Variants in SLC22A24 observed in about 807,000 individuals in gnomAD.
SLC22A24 encodes steroid transmembrane transporter SLC22A24.
A neutral mutation model predicts 49.8 loss-of-function variants in SLC22A24; 53 were observed. The observed-to-expected ratio is 1.06, with a 90% CI of 0.85 to 1.34. SLC22A24 has a LOEUF of 1.34. Among genes scored for constraint, SLC22A24 ranks in the 40% most tolerant of loss-of-function variants. The pLI, the probability that SLC22A24 is intolerant of heterozygous loss-of-function variation, is 0.00. For missense variants in SLC22A24, 786 were observed against 675.9 expected (o/e 1.16, Z -1.81); for synonymous variants, 302 against 256.4 (o/e 1.18, Z -1.70).
chr11:63,128,952 C>G (rs1423850222), intron 2 of SLC22A24, among the ~76,000 whole-genome samples: 1 of 152,170 alleles, frequency 6.6e-6, no homozygotes, highest in African/African-American at 2.4e-5. Flanking sequence ...GAGAAAAACC[C>G]ATAGACCCTG....
Position 63,143,854 on chromosome 11 carries a change from C to G in SLC22A24, c.-75G>C, listed in dbSNP as rs756723581. ...AGAAGTTCAGAGGGAGAAAATGTCC[C>G]CTTTCACAAAGTTACCATAGTGCCA... is the stretch of plus-strand genomic sequence containing the variant. On this transcript the variant is annotated 5_prime_UTR_variant, in exon 1 of 10. Transcript: ENST00000612278. The G allele has an allele frequency of 8.1e-7, 1 of 1,228,720 alleles. No individual in the cohort carries two copies. Among genetic ancestry groups the G allele is most frequent in the Non-Finnish European group, 1.0e-6 (1 of 963,638 alleles). 76.1% of individuals were successfully genotyped at this position (1,228,720 alleles called of 1,614,324 possible).
At chr11:63,081,846 G>C (rs1239230102) in intron 7 of SLC22A24, among the ~76,000 whole-genome samples, 180 bp from the exon 8 acceptor site, 3 of 152,184 alleles carry the variant, frequency 2.0e-5, no homozygotes, top group Admixed American at 1.3e-4. Flanking sequence ...TAAAATGGTA[G>C]GGCTTAAACA....
chr11:63,108,673 G>A (rs1246434582), intron 4 of SLC22A24, among the ~76,000 whole-genome samples: 1 of 152,066 alleles, frequency 6.6e-6, no homozygotes, highest in Non-Finnish European at 1.5e-5. Context: ...GGGTGTATGT[G>A]TCCAGGAATT....
chr11:63,143,274 G>A (rs1263778774), intron 1 of SLC22A24, 104 bp downstream of exon 1: 2 of 950,368 alleles, frequency 2.1e-6, no homozygotes, highest in Non-Finnish European at 1.4e-6. Context: ...TGAGCTGACT[G>A]CAGGTCCCAT....
At chr11:63,115,327 T>G (rs576522545) in intron 4 of SLC22A24, among the ~76,000 whole-genome samples, 8 of 152,310 alleles carry the variant, frequency 5.3e-5, no homozygotes, top group Non-Finnish European at 1.0e-4. Context: ...CAGACTGCTG[T>G]GCTAGCAGTG....
chr11:63,125,549 G>T (rs1359456764), intron 2 of SLC22A24, among the ~76,000 whole-genome samples: 5 of 152,110 alleles, frequency 3.3e-5, no homozygotes, highest in African/African-American at 1.2e-4. Context: ...TCTTAATCCA[G>T]TCTGTCATTG....
intron 2 of SLC22A24, among the ~76,000 whole-genome samples, chr11:63,130,671 A>G (rs2087327750): frequency 6.6e-6 from 1 of 152,282 alleles, no homozygotes; most frequent in African/African-American, 2.4e-5. Context: ...TGTTCTATTC[A>G]GAGATTCAAC....
chr11:63,130,685 T>C lies in SLC22A24; in HGVS notation c.506+3980A>G, dbSNP rs565338756. Among the ~76,000 whole-genome samples the C allele has an allele frequency of 1.1e-4, 16 of 152,306 alleles. No homozygotes were observed. In the South Asian group the frequency reaches 3.3e-3, roughly 32 times the overall value. On this transcript the variant is annotated intron_variant, in intron 2 of 9. Coordinates refer to ENST00000612278, the MANE Select transcript of SLC22A24 (RefSeq NM_001136506.2). ...TTGTTCTATTCAGAGATTCAACTTC[T>C]TCCTGGTTTAGTCTTGGGAGGGTGT...
chr11:63,093,678 A>G (rs1422123480), intron 6 of SLC22A24, among the ~76,000 whole-genome samples: 1 of 152,054 alleles, frequency 6.6e-6, no homozygotes, highest in East Asian at 1.9e-4. Context: ...AACAATAGAC[A>G]CTGGGGCCTA....
intron 6 of SLC22A24, among the ~76,000 whole-genome samples, chr11:63,093,333 C>T (rs1337322871): frequency 6.6e-6 from 1 of 152,140 alleles, no homozygotes; most frequent in East Asian, 1.9e-4. Context: ...CCAGCAATCC[C>T]ATTGCTGGGT....
intron 2 of SLC22A24, among the ~76,000 whole-genome samples, chr11:63,131,090 T>C (rs1393182347): frequency 1.3e-5 from 2 of 152,176 alleles, no homozygotes; most frequent in Non-Finnish European, 2.9e-5. Context: ...GATACTAGGA[T>C]TGCAACCCCT....
At chr11:63,128,800 T>A (rs1197946052) in intron 2 of SLC22A24, among the ~76,000 whole-genome samples, 1 of 152,178 alleles carries the variant, frequency 6.6e-6, no homozygotes, top group Non-Finnish European at 1.5e-5. Context: ...TTGTATCTAA[T>A]AAATAACAGC....
rs769230112 is a variant in SLC22A24, at chr11:63,143,589, G to A, written c.191C>T (p.Thr64Ile). 1.9e-6 allele frequency: 3 copies of A among 1,571,484 alleles called. No homozygotes were observed. Among genetic ancestry groups the A allele is most frequent in the Non-Finnish European group, 1.7e-6 (2 of 1,159,990 alleles). ...GAGGTCATCCTTGCTGAGGGTCCCG[G>A]TATCATTGTCAGACACAGTGTCATT... ...LDNDTVSDND[T>I]GTLSKDDLLR... is the part of the protein sequence containing the mutation. Residue 64 changes from threonine (T) to isoleucine (I), a missense_variant, in exon 1 of 10, where the codon ACC becomes ATC. By Grantham distance (89) the Thr-to-Ile change is moderately conservative. Coordinates refer to ENST00000612278, the MANE Select transcript of SLC22A24 (RefSeq NM_001136506.2).
intron 6 of SLC22A24, among the ~76,000 whole-genome samples, chr11:63,088,254 C>T (rs2086999048): frequency 6.6e-6 from 1 of 152,244 alleles, no homozygotes; most frequent in Middle Eastern, 3.4e-3. Context: ...TGCTGTTCTG[C>T]AACCTCCACT....
chr11:63,091,921 A>G (rs2087022828), intron 6 of SLC22A24, among the ~76,000 whole-genome samples: 1 of 152,216 alleles, frequency 6.6e-6, no homozygotes, highest in Admixed American at 6.5e-5. Flanking sequence ...ATCATGCATG[A>G]GAAAGAAATA....
At chr11:63,121,594 CA>C (rs1034788013) in intron 2 of SLC22A24, among the ~76,000 whole-genome samples, 53 of 152,046 alleles carry the variant, frequency 3.5e-4, no homozygotes, top group African/African-American at 1.1e-3. Context: ...TGATATCACA[CA>C]TTTTTTTTTG....
At chr11:63,092,528 G>GAGA in intron 6 of SLC22A24, among the ~76,000 whole-genome samples, 1 of 4,148 alleles carries the variant, frequency 2.4e-4, no homozygotes, top group African/African-American at 2.5e-4. Flanking sequence ...AACCAAAACA[G>GAGA]CATAACACCG....
Position 63,119,187 on chromosome 11 carries a change from TAA to T in SLC22A24, c.653_654del (p.Phe218TyrfsTer76). ...GCTCAAATTATTGACTTACTGAGAA[TAA>T]AAGTGTTTCCCAAAATAGTCATGGT... ...FSTMTILGNT[F>X]ILSLEWTLPR... On this transcript the variant is annotated frameshift_variant, in exon 3 of 10. Coordinates refer to ENST00000612278, the MANE Select transcript of SLC22A24 (RefSeq NM_001136506.2). LOFTEE classifies it high-confidence loss of function. 1 of 1,541,494 alleles carries T rather than the reference TAA, an allele frequency of 6.5e-7. No homozygotes were observed. The highest frequency in any genetic ancestry group is 1.2e-5 in the South Asian group (1 of 81,462).
Position 63,134,752 on chromosome 11 carries a change from T to G in SLC22A24, c.419A>C (p.Glu140Ala). The G allele has an allele frequency of 6.4e-7, 1 of 1,573,178 alleles. No homozygotes were observed. The highest frequency in any genetic ancestry group is 1.2e-5 in the South Asian group (1 of 85,752). The change falls in exon 2 of 10, where the codon GAA becomes GCA. Residue 140 changes from glutamate (E) to alanine (A), a missense_variant. Coordinates refer to ENST00000612278, the MANE Select transcript of SLC22A24 (RefSeq NM_001136506.2). Reference protein sequence around the residue: ...TIVTEWDLVCESQSLKSMVQS... With the variant: ...TIVTEWDLVCASQSLKSMVQS... ...AACCATTGATTTTAGTGACTGAGAT[T>G]CACATACCAGGTCCCACTGGAAGAG...
Sources: allele counts gnomAD v4.1 joint callset (sites outside exome capture counted in the v4.1 genomes callset), GRCh38; gene constraint gnomAD v4.1.1; transcripts MANE v1.5; gene names NCBI Gene and HGNC (gene_info 2026-07-23, HGNC 2026-07-21).